NMNAT3: variants seen among roughly 807,000 people sequenced by gnomAD.
NMNAT3 encodes the protein nicotinamide/nicotinic acid mononucleotide adenylyltransferase 3.
In NMNAT3, 21 loss-of-function variants were observed where a neutral mutation model predicts 24.8. The observed-to-expected ratio is 0.85, with a 90% CI of 0.60 to 1.22. NMNAT3 has a LOEUF of 1.22. Among genes scored for constraint, NMNAT3 ranks in the 50% most tolerant of loss-of-function variants. NMNAT3 has a pLI of 0.00. For synonymous variants in NMNAT3, 136 were observed against 155.2 expected, an observed-to-expected ratio of 0.88 and a Z score of 0.92; for missense variants, 387 against 436.6, an observed-to-expected ratio of 0.89 and a Z score of 1.01.
At chr3:139,647,646 C>T (rs1680334011) in intron 1 of NMNAT3, among the ~76,000 whole-genome samples, 1 of 152,012 alleles carries the variant, frequency 6.6e-6, no homozygotes, top group African/African-American at 2.4e-5. Context: ...AGATGCTGGC[C>T]TTGAAGTTTG....
chr3:139,590,999 C>G (rs925995881), intron 3 of NMNAT3, among the ~76,000 whole-genome samples: 2 of 152,170 alleles, frequency 1.3e-5, no homozygotes, highest in African/African-American at 4.8e-5. Flanking sequence ...CTCCGGTCTA[C>G]AGCTCCCAGT....
At chr3:139,620,663 G>A (rs1356403876) in intron 3 of NMNAT3, among the ~76,000 whole-genome samples, 2 of 151,948 alleles carry the variant, frequency 1.3e-5, no homozygotes, top group Non-Finnish European at 2.9e-5. Flanking sequence ...CATTTCTCTT[G>A]TGTAAATAGA....
chr3:139,589,898 G>A (rs1576588275), intron 3 of NMNAT3, among the ~76,000 whole-genome samples: 1 of 152,244 alleles, frequency 6.6e-6, no homozygotes, highest in East Asian at 1.9e-4. Flanking sequence ...AAAGATGCCA[G>A]AAGACGAACT....
At chr3:139,609,519 GCTAT>G (rs1341232344) in intron 3 of NMNAT3, 2 of 151,990 alleles carry the variant, frequency 1.3e-5, no homozygotes, top group East Asian at 1.9e-4. Flanking sequence ...GTGCTTATCC[GCTAT>G]CTGTGTATCC....
chr3:139,586,871 G>C (rs1559877429), intron 3 of NMNAT3, among the ~76,000 whole-genome samples: 1 of 152,302 alleles, frequency 6.6e-6, no homozygotes, highest in Non-Finnish European at 1.5e-5. Context: ...GGAAGAATGG[G>C]CAGAAGGGCA....
At chr3:139,653,705 G>A (rs1170267305) in intron 1 of NMNAT3, among the ~76,000 whole-genome samples, 2 of 152,152 alleles carry the variant, frequency 1.3e-5, no homozygotes, top group African/African-American at 2.4e-5. Context: ...ATGGATAAAT[G>A]AGCTTCCCCA....
At chr3:139,599,002 C>A in intron 3 of NMNAT3, 1 of 313,206 alleles carries the variant, frequency 3.2e-6, no homozygotes, top group South Asian at 5.7e-5. Flanking sequence ...GAAAAACTGC[C>A]CCTTCTAGAG....
Position 139,610,852 on chromosome 3 carries a change from T to C in NMNAT3, c.109+16764A>G, listed in dbSNP as rs140488185. Among the ~76,000 whole-genome samples the C allele has an allele frequency of 2.4e-3, 362 of 152,316 alleles. 3 individuals are homozygous for C. Among genetic ancestry groups the C allele is most frequent in the Non-Finnish European group, 3.7e-3 (255 of 68,028 alleles). On this transcript the variant is annotated intron_variant, in intron 3 of 6. Transcript: ENST00000643695. ...AGAATTCAAATTAAAATCACCAAGG[T>C]AGCAAAAGTGATATACATCACATTG...
chr3:139,653,252 TTTC>T (rs2057116228), intron 1 of NMNAT3, among the ~76,000 whole-genome samples: 1 of 152,130 alleles, frequency 6.6e-6, no homozygotes, highest in Non-Finnish European at 1.5e-5. Flanking sequence ...TGTGTGTGTG[TTTC>T]TTAATTCAAA....
At chr3:139,610,502 A>G (rs751851521) in intron 3 of NMNAT3, among the ~76,000 whole-genome samples, 1 of 152,240 alleles carries the variant, frequency 6.6e-6, no homozygotes, top group Non-Finnish European at 1.5e-5. Context: ...TCTTAAAACT[A>G]TCTTCTCCAG....
chr3:139,642,429 T>G (rs1427931140), intron 1 of NMNAT3, among the ~76,000 whole-genome samples: 3 of 152,218 alleles, frequency 2.0e-5, no homozygotes, highest in Non-Finnish European at 2.9e-5. Context: ...CAACTTCATG[T>G]GGGTTGCAGT....
intron 1 of NMNAT3, among the ~76,000 whole-genome samples, chr3:139,645,132 G>A (rs949840316): frequency 6.6e-6 from 1 of 152,142 alleles, no homozygotes; most frequent in East Asian, 1.9e-4. Flanking sequence ...AACCTGGGAG[G>A]CAGAGTTTGC....
chr3:139,595,699 A>T (rs1411749555), intron 3 of NMNAT3, among the ~76,000 whole-genome samples: 1 of 150,222 alleles, frequency 6.7e-6, no homozygotes, highest in Non-Finnish European at 1.5e-5. Context: ...TGAGAAAAAC[A>T]AGCAATGGGG....
chr3:139,600,856 A>C (rs1381004355), intron 3 of NMNAT3, among the ~76,000 whole-genome samples: 1 of 151,848 alleles, frequency 6.6e-6, no homozygotes, highest in African/African-American at 2.4e-5. Flanking sequence ...GAGCATTAGA[A>C]TCTCCTTTTT....
rs1001768258 is a variant in NMNAT3, at chr3:139,583,308, T to C, written c.110-100A>G. ...CCATCTGTTTCATTTGGATGTTTAA[T>C]GATGTCAATCTTCAATGGAAGTTTC... On this transcript the variant is annotated intron_variant, in intron 3 of 6. Transcript: ENST00000643695. 9 of 1,335,378 alleles carry C rather than the reference T, an allele frequency of 6.7e-6. No individual in the cohort carries two copies. The African/African-American group carries it at 1.3e-4, about 19-fold the overall frequency. The allele number at this position is 1,335,378 out of a possible 1,614,324, so 82.7% of individuals were successfully genotyped here.
intron 3 of NMNAT3, among the ~76,000 whole-genome samples, chr3:139,587,055 C>T (rs534159725): frequency 6.6e-6 from 1 of 152,324 alleles, no homozygotes; most frequent in South Asian, 2.1e-4. Context: ...TTATATTTTG[C>T]TTCCCATCTG....
intron 5 of NMNAT3, among the ~76,000 whole-genome samples, chr3:139,574,692 T>A (rs1939032200): frequency 6.6e-6 from 1 of 152,230 alleles, no homozygotes; most frequent in South Asian, 2.1e-4. Flanking sequence ...TGAATGACCC[T>A]GACACCCTGT....
At chr3:139,599,569 G>A (rs1235534776) in intron 3 of NMNAT3, 1 of 606,114 alleles carries the variant, frequency 1.6e-6, no homozygotes, top group African/African-American at 1.8e-5. Flanking sequence ...AAAAAGACCA[G>A]AATCTCAACT....
At chr3:139,580,746 A>G (rs1940062430) in intron 4 of NMNAT3, among the ~76,000 whole-genome samples, 1 of 151,786 alleles carries the variant, frequency 6.6e-6, no homozygotes, top group African/African-American at 2.4e-5. Flanking sequence ...GGCAACTTAC[A>G]TTTTCCAGGA....
Sources: gnomAD v4.1 joint callset for allele counts (sites outside exome capture counted in the v4.1 genomes callset) on GRCh38, gnomAD v4.1.1 for gene constraint, MANE v1.5 for transcripts, NCBI Gene and HGNC (gene_info 2026-07-23, HGNC 2026-07-21) for gene names.